PTPRN2: variants seen among roughly 807,000 people sequenced by gnomAD.
PTPRN2 encodes receptor-type tyrosine-protein phosphatase N2.
Under a neutral mutation model 118.8 loss-of-function variants are expected in PTPRN2, and 74 were observed. The ratio of observed to expected loss-of-function variants is 0.62; its 90% CI spans 0.52 to 0.76. The LOEUF is 0.76. Among genes scored for constraint, PTPRN2 ranks in the 30% least tolerant of loss-of-function variants. The pLI is 0.00. For synonymous variants in PTPRN2, 641 were observed against 608.0 expected (o/e 1.05, Z -0.80); for missense variants, 1,481 against 1,394.4 (o/e 1.06, Z -0.99).
At chr7:158,365,750 CG>C (rs1809398314) in intron 2 of PTPRN2, among the ~76,000 whole-genome samples, 3 of 132,520 alleles carry the variant, frequency 2.3e-5, no homozygotes, top group Non-Finnish European at 3.2e-5. Context: ...TGGGAGAAGC[CG>C]AAGCCCAGTG....
Position 158,461,349 on chromosome 7 carries a change from A to G in PTPRN2, c.163+28386T>C, listed in dbSNP as rs549764335. 5.4e-4 allele frequency among the ~76,000 whole-genome samples: 82 copies of G among 152,218 alleles called. 1 individual carries two copies. In the South Asian group the frequency reaches 0.016, roughly 30 times the overall value. ...TCTCTACTAAAAATACAAAAAAATT[A>G]ACCGGGCGTGGTGGCAGGCGCCTGT... On this transcript the variant is annotated intron_variant, in intron 2 of 22. Coordinates refer to ENST00000389418, the MANE Select transcript of PTPRN2 (RefSeq NM_002847.5).
chr7:158,253,768 G>A (rs867914838), intron 3 of PTPRN2, among the ~76,000 whole-genome samples: 1 of 152,232 alleles, frequency 6.6e-6, no homozygotes, highest in East Asian at 1.9e-4. Flanking sequence ...TTAGAAGAGC[G>A]GAATAACTCT....
intron 3 of PTPRN2, among the ~76,000 whole-genome samples, chr7:158,267,110 G>A (rs1023704779): frequency 6.6e-6 from 1 of 152,220 alleles, no homozygotes; most frequent in African/African-American, 2.4e-5. Context: ...CCTGGCACTC[G>A]GGAAGCTCTT....
In PTPRN2 at chr7:157,587,266, ACAAACAGG is replaced by A. The variant is rs1176767437; in HGVS notation, c.2496+7964_2496+7971del. ...GCGAGACAGGCAGACAGACAGGCAGACAAACAGGCAGACAGGCAGACGAGCCACTGGTG... is the reference window on the plus strand; with the variant it reads ...GCGAGACAGGCAGACAGACAGGCAGACAGACAGGCAGACGAGCCACTGGTG... On this transcript the variant is annotated intron_variant, in intron 17 of 22. Transcript: ENST00000389418. This position sits in a 1 kb window ranked among gnomAD's most constrained non-coding sequence, Gnocchi z 5.3. 2.9e-3 allele frequency among the ~76,000 whole-genome samples: 400 copies of A among 139,162 alleles called. 3 individuals carry two copies. Among genetic ancestry groups the A allele is most frequent in the African/African-American group, 0.011 (379 of 34,076 alleles). 91.3% of individuals were successfully genotyped at this position (139,162 alleles called of 152,430 possible). A position where few individuals can be genotyped will look rare whatever the true frequency, so the allele number is the denominator to read the frequency against.
chr7:158,554,137 G>A (rs960577365), intron 1 of PTPRN2, among the ~76,000 whole-genome samples: 8 of 152,196 alleles, frequency 5.3e-5, no homozygotes, highest in African/African-American at 1.9e-4. Flanking sequence ...GTGGTGGCAT[G>A]TGCCTGTAGT....
chr7:157,586,916 G>A (rs1800707421), intron 17 of PTPRN2, among the ~76,000 whole-genome samples: 1 of 152,232 alleles, frequency 6.6e-6, no homozygotes, highest in African/African-American at 2.4e-5. Context: ...ATTAGGTGGT[G>A]TAGGACCATC....
chr7:157,699,423 G>T (rs1008735228), intron 12 of PTPRN2, among the ~76,000 whole-genome samples: 1 of 152,108 alleles, frequency 6.6e-6, no homozygotes, highest in African/African-American at 2.4e-5. Flanking sequence ...GCAGCCAGTT[G>T]CTTTTCTTTT....
At chr7:158,333,540 C>T (rs1307727011) in intron 2 of PTPRN2, among the ~76,000 whole-genome samples, 31 of 148,900 alleles carry the variant, frequency 2.1e-4, no homozygotes, top group South Asian at 4.2e-4. Context: ...CACTCGCAGA[C>T]GTCACTCACA....
chr7:158,131,713 GATACACACACATCTACCCAACACACTC>G (rs1818322389), intron 9 of PTPRN2, among the ~76,000 whole-genome samples: 1 of 64,458 alleles, frequency 1.6e-5, no homozygotes. Flanking sequence ...AATATGCACA[GATACACACACATCTACCCAACACACTC>G]ATACACACAC....
chr7:157,908,029 C>A (rs1358665128), intron 11 of PTPRN2, among the ~76,000 whole-genome samples: 1 of 152,234 alleles, frequency 6.6e-6, no homozygotes, highest in East Asian at 1.9e-4. Flanking sequence ...GCCGCAGAGC[C>A]GCCTTTATTC....
intron 12 of PTPRN2, among the ~76,000 whole-genome samples, chr7:157,804,084 T>C (rs1805481420): frequency 6.6e-6 from 1 of 152,262 alleles, no homozygotes; most frequent in African/African-American, 2.4e-5. Context: ...AAGAGGATCT[T>C]ATGGGAAATT....
At chr7:157,957,161 G>C (rs1246036540) in intron 11 of PTPRN2, among the ~76,000 whole-genome samples, 2 of 152,220 alleles carry the variant, frequency 1.3e-5, no homozygotes, top group Non-Finnish European at 2.9e-5. Context: ...TGTTACTCTA[G>C]AGCAGGGGAC....
intron 12 of PTPRN2, among the ~76,000 whole-genome samples, chr7:157,712,751 C>CAAA (rs755055515): frequency 2.3e-4 from 21 of 89,886 alleles, no homozygotes; most frequent in African/African-American, 7.5e-4. Context: ...AACTCCATCT[C>CAAA]AAAAAAAAAA....
At chr7:158,406,017 C>G (rs1331534262) in intron 2 of PTPRN2, among the ~76,000 whole-genome samples, 1 of 149,236 alleles carries the variant, frequency 6.7e-6, no homozygotes, top group South Asian at 2.2e-4. Context: ...CACGTGGCTG[C>G]ACACTGAGAT....
intron 2 of PTPRN2, among the ~76,000 whole-genome samples, chr7:158,319,829 TCTCCCTCACACACAC>T (rs1802781457): frequency 5.4e-4 from 2 of 3,696 alleles, no homozygotes; most frequent in African/African-American, 3.7e-3. Flanking sequence ...ACACACTCAG[TCTCCCTCACACACAC>T]ACACAGCCTC....
At chr7:157,936,188 A>AT (rs915229522) in intron 11 of PTPRN2, among the ~76,000 whole-genome samples, 3 of 152,110 alleles carry the variant, frequency 2.0e-5, no homozygotes, top group Non-Finnish European at 2.9e-5. Flanking sequence ...AGATGCTTGA[A>AT]TTTTTTCTCA....
chr7:158,142,065 A>C (rs1172734201), intron 6 of PTPRN2, among the ~76,000 whole-genome samples: 1 of 152,206 alleles, frequency 6.6e-6, no homozygotes, highest in Non-Finnish European at 1.5e-5. Flanking sequence ...TGTCCGTATT[A>C]ACCCCACATT....
intron 12 of PTPRN2, among the ~76,000 whole-genome samples, chr7:157,705,494 T>C (rs1421352816): frequency 6.6e-6 from 1 of 152,184 alleles, no homozygotes; most frequent in Non-Finnish European, 1.5e-5. Flanking sequence ...ACTGAGTGAA[T>C]GTGACCCCAG....
chr7:158,417,402 G>A (rs540156956), intron 2 of PTPRN2, among the ~76,000 whole-genome samples: 23 of 149,186 alleles, frequency 1.5e-4, no homozygotes, highest in African/African-American at 2.2e-4. Context: ...TCAGTGTCCC[G>A]CTGTGTTAAG....
Sources: gnomAD v4.1 joint callset for allele counts (sites outside exome capture counted in the v4.1 genomes callset) on GRCh38, gnomAD v4.1.1 for gene constraint, Gnocchi (gnomAD v3.1) non-coding constraint, MANE v1.5 for transcripts, NCBI Gene and HGNC (gene_info 2026-07-23, HGNC 2026-07-21) for gene names.